OC90: variants seen among roughly 807,000 people sequenced by gnomAD.
OC90 encodes the protein otoconin-90.
In OC90, 46 loss-of-function variants were observed where a neutral mutation model predicts 47.3. The ratio of observed to expected loss-of-function variants is 0.97; its 90% confidence interval spans 0.77 to 1.24. The LOEUF (loss-of-function observed/expected upper bound fraction) is 1.24, where lower values mean the gene tolerates loss of function less well. OC90 is among the 50% of genes most tolerant of loss of function. The pLI is 0.00. For missense variants in OC90, 688 were observed against 583.9 expected, an observed-to-expected ratio of 1.18 and a Z score of -1.84; for synonymous variants, 271 against 219.5, an observed-to-expected ratio of 1.23 and a Z score of -2.07.
At chr8:132,055,394 G>A (rs192384736) in intron 1 of OC90, among the ~76,000 whole-genome samples, 214 of 152,284 alleles carry the variant, frequency 1.4e-3, no homozygotes, top group African/African-American at 5.0e-3. Flanking sequence ...AGGCATCAAA[G>A]GATTGAGGAT....
In OC90 at chr8:132,039,142, T is replaced by C. The variant is rs765378837; in HGVS notation, c.458-19A>G. 3 of 1,584,764 alleles carry C rather than the reference T, an allele frequency of 1.9e-6. No homozygotes were observed. The South Asian group carries it at 3.4e-5, about 18-fold the overall frequency. ...TTGGACTCTGCACACAGCAAGAGCA[T>C]AGCCAATTGGAAAGATCTCAGCTGG... On this transcript the variant is annotated intron_variant, in intron 6 of 13. Coordinates refer to ENST00000254627, the MANE Select transcript of OC90 (RefSeq NM_001080399.3).
rs1822722047 is a variant in OC90 at position 132,024,361 on chromosome 8, C to A, written c.*120G>T. On this transcript the variant is annotated 3_prime_UTR_variant, in exon 14 of 14. Transcript: ENST00000254627. The stretch of plus-strand genomic sequence containing the variant: ...AGGGCTCACGGCCTCTGTTCCCTCC[C>A]CGCCTCTGAGTTAAAGGAAGGGAAG... The A allele has an allele frequency of 2.4e-6, 2 of 819,962 alleles. No homozygotes were observed. The highest frequency in any genetic ancestry group is 2.9e-5 in the Admixed American group (1 of 34,180). 50.8% of individuals were successfully genotyped at this position (819,962 alleles called of 1,614,324 possible).
chr8:132,038,734 C>G, intron 8 of OC90, 56 bp downstream of exon 8: 1 of 1,402,076 alleles, frequency 7.1e-7, no homozygotes, highest in Non-Finnish European at 1.0e-6. Flanking sequence ...TCCACCGGCT[C>G]CCATCAGCAT....
At chr8:132,046,987 A>C (rs1446740242) in intron 2 of OC90, among the ~76,000 whole-genome samples, 1 of 152,188 alleles carries the variant, frequency 6.6e-6, no homozygotes, top group African/African-American at 2.4e-5. Flanking sequence ...CTGTGCATAG[A>C]TATTTAGCAA....
At chr8:132,039,541 T>C (rs1484352657) in intron 6 of OC90, among the ~76,000 whole-genome samples, 1 of 152,176 alleles carries the variant, frequency 6.6e-6, no homozygotes, top group Non-Finnish European at 1.5e-5. Context: ...AACCATGCCT[T>C]TATTCTGTTC....
Position 132,029,168 on chromosome 8 carries a change from G to C in OC90, c.1043C>G (p.Ser348Cys), listed in dbSNP as rs377112825. 3 of 1,613,552 alleles carry C rather than the reference G, an allele frequency of 1.9e-6. No homozygotes were observed. The highest frequency in any genetic ancestry group is 1.7e-6 in the Non-Finnish European group (2 of 1,179,518). Residue 348 changes from serine to cysteine, a missense_variant, in exon 13 of 14, where the codon TCC (serine) becomes TGC (cysteine). By Grantham distance (112) the Ser-to-Cys change is moderately radical. Transcript: ENST00000254627. Reference sequence around the variant, plus strand: ...CACTTGCTCTAGGCAGCAGTGATGGGACAAGCAGCACCTAAGACCAAGGAA... The same window carrying C: ...CACTTGCTCTAGGCAGCAGTGATGGCACAAGCAGCACCTAAGACCAAGGAA... The part of the protein sequence containing the change: ...PRDDLDRCCL[S>C]HHCCLEQVRR...
At chr8:132,042,101 T>G (rs1823062194) in intron 4 of OC90, among the ~76,000 whole-genome samples, 1 of 91,352 alleles carries the variant, frequency 1.1e-5, no homozygotes, top group Admixed American at 1.3e-4. Flanking sequence ...TTTTCTTTTC[T>G]AGCAACGAAT....
intron 1 of OC90, among the ~76,000 whole-genome samples, chr8:132,055,682 C>T (rs577122447): frequency 1.3e-5 from 2 of 152,178 alleles, no homozygotes; most frequent in Non-Finnish European, 2.9e-5. Context: ...CTCTTCCTTC[C>T]CTTCCTCGGC....
chr8:132,056,464 A>G (rs1586718123), intron 1 of OC90, among the ~76,000 whole-genome samples: 1 of 152,202 alleles, frequency 6.6e-6, no homozygotes, highest in Admixed American at 6.5e-5. Context: ...GAATTTTTTT[A>G]AAAAGGGTAG....
intron 1 of OC90, among the ~76,000 whole-genome samples, chr8:132,056,639 T>C (rs563473722): frequency 6.6e-6 from 1 of 152,246 alleles, no homozygotes; most frequent in East Asian, 1.9e-4. Context: ...TGGTGGAAAT[T>C]CAGTTCTGAA....
chr8:132,054,930 G>A, intron 2 of OC90, 51 bp downstream of exon 2: 1 of 1,363,916 alleles, frequency 7.3e-7, no homozygotes, highest in South Asian at 1.4e-5. Context: ...GTATTCAAAT[G>A]AAGTAATTAC....
Position 132,055,006 on chromosome 8 carries a change from G to A in OC90, c.21C>T (p.Thr7=), listed in dbSNP as rs770740841. ...CGGCATGGGGGATCATCAGCACACT[G>A]GTGAGGAGAAACGCAATCATAGCAG... MIAFLL[T]SVLMIPHAGG... Residue 7 remains threonine (T), a synonymous_variant, in exon 2 of 14, where the codon ACC becomes ACT. Transcript: ENST00000254627. 6.4e-7 allele frequency: 1 copy of A among 1,551,366 alleles called. No homozygotes were observed.
rs1190696718 is a variant in OC90, at chr8:132,031,999, T to C, written c.913A>G (p.Met305Val). ...HLGSGDNMQV[M>V]PQLGEMLFCL... ...AAGAGCATCTCTCCAAGCTGTGGCA[T>C]CACCTGCATGTTGTCCCCACTTCCC... Residue 305 changes from methionine (M) to valine (V), a missense_variant, in exon 12 of 14, where the codon ATG becomes GTG. By Grantham distance (21) the Met-to-Val change is conservative (BLOSUM62 1). Transcript: ENST00000254627. 6.2e-7 allele frequency: 1 copy of C among 1,613,974 alleles called. No individual in the cohort carries two copies. Among genetic ancestry groups the C allele is most frequent in the Non-Finnish European group, 8.5e-7 (1 of 1,179,828 alleles).
chr8:132,058,114 A>C (rs138789185), intron 1 of OC90, among the ~76,000 whole-genome samples: 61 of 152,352 alleles, frequency 4.0e-4, no homozygotes, highest in East Asian at 2.9e-3. Context: ...CTTGCTGCGC[A>C]CAAAGAAGGA....
At chr8:132,027,725 C>G (rs773715018) in intron 13 of OC90, among the ~76,000 whole-genome samples, 5 of 152,210 alleles carry the variant, frequency 3.3e-5, no homozygotes, top group Non-Finnish European at 7.3e-5. Flanking sequence ...TGAAGGGATA[C>G]AGAGGAGCCT....
intron 6 of OC90, among the ~76,000 whole-genome samples, chr8:132,040,035 A>G (rs555120854): frequency 2.6e-5 from 4 of 152,298 alleles, no homozygotes; most frequent in East Asian, 3.9e-4. Flanking sequence ...CCCAGCACAG[A>G]AGATTGTCTT....
chr8:132,032,630 A>G (rs1822892107), intron 11 of OC90, among the ~76,000 whole-genome samples: 1 of 152,222 alleles, frequency 6.6e-6, no homozygotes, highest in Non-Finnish European at 1.5e-5. Context: ...TGTATGCCCA[A>G]CAGGCCGTGG....
Position 132,028,718 on chromosome 8 carries a change from AAGAAAG to A in OC90, c.1138+349_1138+354del, listed in dbSNP as rs755044299. Among the ~76,000 whole-genome samples the A allele has an allele frequency of 2.0e-3, 293 of 148,056 alleles. 7 individuals are homozygous for A. Among genetic ancestry groups the A allele is most frequent in the Non-Finnish European group, 2.0e-3 (132 of 66,328 alleles). On this transcript the variant is annotated intron_variant, in intron 13 of 13. Coordinates refer to ENST00000254627, the MANE Select transcript of OC90 (RefSeq NM_001080399.3). ...AAAGAAAGAGAGACAGAAAGAAAGA[AAGAAAG>A]AGAAAGAAAGAAAGGAAGGAAGAAA...
At chr8:132,036,324 C>T (rs1822961468) in intron 9 of OC90, 1 of 780,292 alleles carries the variant, frequency 1.3e-6, no homozygotes, top group African/African-American at 1.7e-5. Flanking sequence ...TGAAATATTT[C>T]TCCACTGGAT....
Sources: gnomAD v4.1 joint callset for allele counts (sites outside exome capture counted in the v4.1 genomes callset) on GRCh38, gnomAD v4.1.1 for gene constraint, MANE v1.5 for transcripts, NCBI Gene and HGNC (gene_info 2026-07-23, HGNC 2026-07-21) for gene names.